Variants in KCNH1 observed in about 807,000 individuals in gnomAD.
KCNH1 encodes the protein potassium voltage-gated channel subfamily H member 1, also known as voltage-gated delayed rectifier potassium channel KCNH1.
Under a neutral mutation model 69.2 loss-of-function variants are expected in KCNH1, and 27 were observed. The observed-to-expected ratio is 0.39, with a 90% CI of 0.29 to 0.54. The LOEUF is 0.54. Among genes scored for constraint, KCNH1 ranks in the 20% least tolerant of loss-of-function variants. The pLI is 0.68. For synonymous variants in KCNH1, 456 were observed against 487.7 expected (o/e 0.93, Z 0.86); for missense variants, 798 against 1,261.6 (o/e 0.63, Z 5.57).
At chr1:210,841,503 T>A (rs1685409727) in intron 7 of KCNH1, among the ~76,000 whole-genome samples, 1 of 152,314 alleles carries the variant, frequency 6.6e-6, no homozygotes, top group African/African-American at 2.4e-5. Context: ...TAACTTCTAC[T>A]CCTATATAGC....
At chr1:211,076,038 C>T (rs1017259553) in intron 5 of KCNH1, among the ~76,000 whole-genome samples, 1 of 152,208 alleles carries the variant, frequency 6.6e-6, no homozygotes. Context: ...GAGGGGCATC[C>T]ACCATTACTG....
At chr1:210,924,110 A>G (rs1687518092) in intron 6 of KCNH1, among the ~76,000 whole-genome samples, 1 of 152,238 alleles carries the variant, frequency 6.6e-6, no homozygotes, top group Non-Finnish European at 1.5e-5. Flanking sequence ...AATTGCCAGC[A>G]TCACTAGAGG....
At chr1:211,022,194 T>G (rs1208081381) in intron 5 of KCNH1, among the ~76,000 whole-genome samples, 1 of 152,190 alleles carries the variant, frequency 6.6e-6, no homozygotes, top group Non-Finnish European at 1.5e-5. Context: ...GAACTCATTT[T>G]CAACAAAGGC....
chr1:210,698,880 C>T (rs1681707232), intron 10 of KCNH1, among the ~76,000 whole-genome samples: 3 of 152,222 alleles, frequency 2.0e-5, no homozygotes, highest in African/African-American at 7.2e-5. Flanking sequence ...CCTGCATCCT[C>T]CTGCAGAGGC....
chr1:211,021,905 C>T (rs1354869705), intron 5 of KCNH1, among the ~76,000 whole-genome samples: 6 of 152,094 alleles, frequency 3.9e-5, no homozygotes, highest in African/African-American at 7.2e-5. Flanking sequence ...TTACCCAAAG[C>T]AATCTACAGA....
At chr1:210,725,268 C>T (rs1682560045) in intron 10 of KCNH1, among the ~76,000 whole-genome samples, 1 of 152,098 alleles carries the variant, frequency 6.6e-6, no homozygotes, top group Non-Finnish European at 1.5e-5. Context: ...TTTCTGAACC[C>T]CTAGATGTGA....
chr1:210,873,881 A>C (rs1273591689), intron 7 of KCNH1, among the ~76,000 whole-genome samples: 1 of 152,200 alleles, frequency 6.6e-6, no homozygotes, highest in Non-Finnish European at 1.5e-5. Flanking sequence ...AGATAAATAT[A>C]ATTCAGTTAA....
intron 6 of KCNH1, among the ~76,000 whole-genome samples, chr1:211,004,884 T>C (rs1258902394): frequency 1.3e-5 from 2 of 152,088 alleles, no homozygotes; most frequent in African/African-American, 2.4e-5. Context: ...AAATTATTAC[T>C]AGATAGACAC....
chr1:210,987,353 G>A (rs1284871085), intron 6 of KCNH1, among the ~76,000 whole-genome samples: 1 of 152,170 alleles, frequency 6.6e-6, no homozygotes, highest in African/African-American at 2.4e-5. Flanking sequence ...GAGGAGGAGA[G>A]GCACTCTGCT....
At chr1:210,787,112 A>T (rs1036671542) in intron 9 of KCNH1, among the ~76,000 whole-genome samples, 2 of 150,544 alleles carry the variant, frequency 1.3e-5, no homozygotes, top group Admixed American at 6.6e-5. Flanking sequence ...GGCCTTGCTC[A>T]CCTGTTCTAC....
intron 5 of KCNH1, among the ~76,000 whole-genome samples, chr1:211,055,759 C>T (rs151169794): frequency 5.9e-4 from 90 of 152,160 alleles, no homozygotes; most frequent in African/African-American, 2.1e-3. Context: ...AGTTCTGGGG[C>T]CCCCCCATTC....
At chr1:210,704,562 G>C (rs2149012783) in intron 10 of KCNH1, among the ~76,000 whole-genome samples, 1 of 152,300 alleles carries the variant, frequency 6.6e-6, no homozygotes, top group South Asian at 2.1e-4. Flanking sequence ...GTGGTTGACA[G>C]AAAGCCAGCA....
At chr1:210,717,661 C>CTTGA (rs1402446895) in intron 10 of KCNH1, among the ~76,000 whole-genome samples, 1 of 152,192 alleles carries the variant, frequency 6.6e-6, no homozygotes, top group Non-Finnish European at 1.5e-5. Context: ...TTGACACTTT[C>CTTGA]TTGATTCTAC....
chr1:210,717,957 G>C (rs1574205631), intron 10 of KCNH1, among the ~76,000 whole-genome samples: 1 of 151,762 alleles, frequency 6.6e-6, no homozygotes, highest in South Asian at 2.1e-4. Context: ...AAATATAAAA[G>C]TTAGCCAGGC....
In KCNH1 at chr1:210,679,685, C is replaced by T. The variant is rs1681217415; in HGVS notation, c.*3596G>A. 1 of 152,190 alleles carries T rather than the reference C, an allele frequency of 6.6e-6. No homozygotes were observed. The highest frequency in any genetic ancestry group is 6.5e-5 in the Admixed American group (1 of 15,272). The allele number at this position is 152,190 out of a possible 1,614,324, so 9.4% of individuals were successfully genotyped here. The stretch of plus-strand genomic sequence containing the variant: ...GGGGTGGTATAGTACATTTTTACCC[C>T]TGCCCAGCCCTCCCCACTTTTGAAA... On this transcript the variant is annotated 3_prime_UTR_variant, in exon 11 of 11. Coordinates refer to ENST00000271751, the MANE Select transcript of KCNH1 (RefSeq NM_172362.3).
At position 211,032,107 on chromosome 1, in the gene KCNH1, T is replaced by A. The variant is rs539668254; in HGVS notation, c.559-12851A>T. Among the ~76,000 whole-genome samples the A allele has an allele frequency of 1.3e-3, 198 of 152,266 alleles. 5 individuals carry two copies. In the East Asian group the frequency reaches 0.035, roughly 27 times the overall value. ...TGTGCAAAAATCACAAGCATTCTTATACACCAATAACAGACAAACAGAGAG... is the reference window on the plus strand; with the variant it reads ...TGTGCAAAAATCACAAGCATTCTTAAACACCAATAACAGACAAACAGAGAG... On this transcript the variant is annotated intron_variant, in intron 5 of 10. Coordinates refer to ENST00000271751, the MANE Select transcript of KCNH1 (RefSeq NM_172362.3).
intron 6 of KCNH1, among the ~76,000 whole-genome samples, chr1:210,948,985 CA>C (rs1294101343): frequency 6.6e-6 from 1 of 151,998 alleles, no homozygotes; most frequent in African/African-American, 2.4e-5. Flanking sequence ...ATCAACTATT[CA>C]AAAAAGTAAA....
chr1:210,714,520 C>T (rs529461087), intron 10 of KCNH1, among the ~76,000 whole-genome samples: 43 of 152,196 alleles, frequency 2.8e-4, no homozygotes, highest in Non-Finnish European at 5.3e-4. Flanking sequence ...CTGAACACAA[C>T]GGTACGTGCA....
intron 5 of KCNH1, among the ~76,000 whole-genome samples, chr1:211,076,334 G>C (rs891583118): frequency 6.6e-6 from 1 of 152,206 alleles, no homozygotes; most frequent in Non-Finnish European, 1.5e-5. Context: ...TCCCAGTAGG[G>C]TCCGACTGAC....
Sources: gnomAD v4.1 joint callset for allele counts (sites outside exome capture counted in the v4.1 genomes callset) on GRCh38, gnomAD v4.1.1 for gene constraint, MANE v1.5 for transcripts, NCBI Gene and HGNC (gene_info 2026-07-23, HGNC 2026-07-21) for gene names.